The following HSD17B11 variants were observed in gnomAD, a reference collection of about 807,000 sequenced individuals.
HSD17B11 encodes the protein hydroxysteroid 17-beta dehydrogenase 11, also known as estradiol 17-beta-dehydrogenase 11.
A neutral mutation model predicts 27.8 loss-of-function variants in HSD17B11; 22 were observed. The observed-to-expected ratio is 0.79, with a 90% CI of 0.56 to 1.13. The LOEUF is 1.13. Among genes scored for constraint, HSD17B11 ranks in the 50% most tolerant of loss-of-function variants. HSD17B11 has a pLI of 0.00. For missense variants in HSD17B11, 314 were observed against 351.1 expected, an observed-to-expected ratio of 0.89 and a Z score of 0.84; for synonymous variants, 117 against 132.8, an observed-to-expected ratio of 0.88 and a Z score of 0.82.
At chr4:87,381,219 A>C (rs76537646) in intron 2 of HSD17B11, among the ~76,000 whole-genome samples, 7 of 150,758 alleles carry the variant, frequency 4.6e-5, no homozygotes, top group African/African-American at 1.7e-4. Flanking sequence ...AACTCAAACC[A>C]AAAATTCCAT....
chr4:87,345,474 GAATT>G (rs1735253376), intron 5 of HSD17B11, among the ~76,000 whole-genome samples: 1 of 151,960 alleles, frequency 6.6e-6, no homozygotes, highest in African/African-American at 2.4e-5. Context: ...ACAAATGAAT[GAATT>G]AGAGGACAGA....
chr4:87,340,686 G>T, intron 5 of HSD17B11, 80 bp from the exon 6 acceptor site: 1 of 867,258 alleles, frequency 1.2e-6, no homozygotes, highest in Non-Finnish European at 1.9e-6. Context: ...AACAGCTTTA[G>T]TATGGTACAG....
At chr4:87,390,205 A>T (rs1720423224) in intron 1 of HSD17B11, among the ~76,000 whole-genome samples, 1 of 152,134 alleles carries the variant, frequency 6.6e-6, no homozygotes, top group South Asian at 2.1e-4. Flanking sequence ...GCCCAGGCTG[A>T]AGTGCAGTGG....
chr4:87,361,772 T>C (rs1029812927), intron 4 of HSD17B11, among the ~76,000 whole-genome samples: 4 of 151,048 alleles, frequency 2.6e-5, no homozygotes, highest in Non-Finnish European at 5.9e-5. Flanking sequence ...GTCTCAAAAA[T>C]AAATAAACTT....
intron 5 of HSD17B11, 122 bp downstream of exon 5, chr4:87,357,157 T>G: frequency 9.3e-7 from 1 of 1,074,450 alleles, no homozygotes; most frequent in South Asian, 1.7e-5. Context: ...GAAACTGAAA[T>G]CAAAATGAAC....
chr4:87,342,487 A>C (rs1201608920), intron 5 of HSD17B11, among the ~76,000 whole-genome samples: 3 of 152,070 alleles, frequency 2.0e-5, no homozygotes. Flanking sequence ...CGGGAGGATC[A>C]CTTGAGCCCA....
At chr4:87,341,018 TTTA>T (rs1378055051) in intron 5 of HSD17B11, among the ~76,000 whole-genome samples, 29 of 152,208 alleles carry the variant, frequency 1.9e-4, no homozygotes, top group African/African-American at 6.0e-4. Context: ...TTATACAAGT[TTTA>T]TTATATACTC....
chr4:87,387,323 C>T (rs181975599), intron 1 of HSD17B11: 1 of 152,344 alleles, frequency 6.6e-6, no homozygotes, highest in Non-Finnish European at 1.5e-5. Context: ...ACATATGGTA[C>T]ATGTGGACAC....
intron 4 of HSD17B11, among the ~76,000 whole-genome samples, chr4:87,369,097 A>T (rs1380512772): frequency 6.6e-6 from 1 of 152,174 alleles, no homozygotes; most frequent in East Asian, 1.9e-4. Context: ...TTCCATTAAC[A>T]TTTCTGCATG....
chr4:87,372,886 GA>G, intron 3 of HSD17B11, 71 bp from the exon 4 acceptor site: 1 of 910,166 alleles, frequency 1.1e-6, no homozygotes, highest in East Asian at 2.5e-5. Context: ...GGAATATTTT[GA>G]AACAAAAGTA....
At chr4:87,366,594 T>C (rs185142423) in intron 4 of HSD17B11, among the ~76,000 whole-genome samples, 2 of 152,322 alleles carry the variant, frequency 1.3e-5, no homozygotes, top group African/African-American at 4.8e-5. Flanking sequence ...ACTTAGTGTA[T>C]GTTACTAATA....
At chr4:87,379,622 GTAT>G (rs1340296822) in intron 2 of HSD17B11, among the ~76,000 whole-genome samples, 1 of 143,646 alleles carries the variant, frequency 7.0e-6, no homozygotes, top group African/African-American at 2.6e-5. Flanking sequence ...ATACATATAT[GTAT>G]TATATTACAC....
intron 4 of HSD17B11, among the ~76,000 whole-genome samples, 183 bp downstream of exon 4, chr4:87,372,526 A>G (rs909961617): frequency 5.9e-5 from 9 of 152,166 alleles, no homozygotes; most frequent in Non-Finnish European, 1.2e-4. Flanking sequence ...TTAATGATTG[A>G]TAATGCTGTT....
rs1720044944 is a variant in HSD17B11 at position 87,378,941 on chromosome 4, TATATATTTATATATATATA to T, written c.318+3295_318+3313del. On this transcript the variant is annotated intron_variant, in intron 2 of 6. Coordinates refer to ENST00000358290, the MANE Select transcript of HSD17B11 (RefSeq NM_016245.5). ...ATAAATATATATAAATATATATATA[TATATATTTATATATATATA>T]TTTTTTTTTTTTTTTGAGATGGTGT... 6.5e-4 allele frequency among the ~76,000 whole-genome samples: 16 copies of T among 24,470 alleles called. 1 individual carries two copies. Among genetic ancestry groups the T allele is most frequent in the Non-Finnish European group, 8.3e-4 (12 of 14,512 alleles). The allele number at this position is 24,470 out of a possible 152,430, so 16.1% of individuals were successfully genotyped here.
At chr4:87,379,449 GAT>G (rs993743200) in intron 2 of HSD17B11, among the ~76,000 whole-genome samples, 48 of 145,728 alleles carry the variant, frequency 3.3e-4, no homozygotes, top group African/African-American at 1.2e-3. Context: ...CAGATTCCTG[GAT>G]ATATATATAA....
rs766284704 is a variant in HSD17B11, at chr4:87,390,961, T to C, written c.110A>G (p.Glu37Gly). 1 of 1,614,156 alleles carries C rather than the reference T, an allele frequency of 6.2e-7. No individual in the cohort carries two copies. The highest frequency in any genetic ancestry group is 8.5e-7 in the Non-Finnish European group (1 of 1,180,014). Residue 37 changes from glutamate (E) to glycine (G), a missense_variant, in exon 1 of 7, where the codon GAA becomes GGA. Coordinates refer to ENST00000358290, the MANE Select transcript of HSD17B11 (RefSeq NM_016245.5). Reference sequence around the variant, plus strand: ...CCCAGCTCCTGTAATCAGCACGATTTCGCCGGTGACTGATTTTCTCCTCTT... The same window carrying C: ...CCCAGCTCCTGTAATCAGCACGATTCCGCCGGTGACTGATTTTCTCCTCTT... ...IPKRRKSVTG[E>G]IVLITGAGHG...
At chr4:87,354,510 C>T (rs558385107) in intron 5 of HSD17B11, among the ~76,000 whole-genome samples, 31 of 151,650 alleles carry the variant, frequency 2.0e-4, no homozygotes, top group African/African-American at 6.8e-4. Context: ...GGTGTGGGGA[C>T]ACATGCCTGT....
intron 4 of HSD17B11, among the ~76,000 whole-genome samples, chr4:87,361,848 T>G: frequency 6.6e-6 from 1 of 152,200 alleles, no homozygotes; most frequent in African/African-American, 2.4e-5. Context: ...AACCCTCTCT[T>G]GGGGTCTGGA....
intron 4 of HSD17B11, 152 bp downstream of exon 4, chr4:87,372,557 C>T (rs375704331): frequency 3.4e-6 from 2 of 584,810 alleles, no homozygotes; most frequent in Admixed American, 3.2e-5. Context: ...CTTTGTGCAA[C>T]TCTTTCTGCT....
Sources: allele counts gnomAD v4.1 joint callset (sites outside exome capture counted in the v4.1 genomes callset), GRCh38; gene constraint gnomAD v4.1.1; transcripts MANE v1.5; gene names NCBI Gene and HGNC (gene_info 2026-07-23, HGNC 2026-07-21).